Variants in COL26A1 observed in about 807,000 individuals in gnomAD.
COL26A1 encodes collagen alpha-1(XXVI) chain.
In COL26A1, 41 loss-of-function variants were observed where a neutral mutation model predicts 59.3. That is an observed-to-expected ratio of 0.69 (90% confidence interval 0.54 to 0.90). The LOEUF (loss-of-function observed/expected upper bound fraction) is 0.90, where lower values mean the gene tolerates loss of function less well. Ranked by LOEUF, COL26A1 falls within the 40% of genes least tolerant of loss-of-function variation. The pLI is 0.00. For missense variants in COL26A1, 612 were observed against 602.3 expected, an observed-to-expected ratio of 1.02 and a Z score of -0.17; for synonymous variants, 266 against 256.0, an observed-to-expected ratio of 1.04 and a Z score of -0.37.
At chr7:101,491,187 G>C (rs1794452638) in intron 3 of COL26A1, among the ~76,000 whole-genome samples, 2 of 152,196 alleles carry the variant, frequency 1.3e-5, no homozygotes, top group Non-Finnish European at 2.9e-5. Context: ...GGTCAGCTGT[G>C]TTTGAAGCCA....
chr7:101,492,885 G>A lies in COL26A1; in HGVS notation c.386-40197G>A, dbSNP rs537589103. ...CTCCAAAGTAGCTAGAGCTACAGGC[G>A]TGCACCACCACGCCCAGCTAATTTT... On this transcript the variant is annotated intron_variant, in intron 3 of 12. Coordinates refer to ENST00000313669, the MANE Select transcript of COL26A1 (RefSeq NM_001278563.3). Among the ~76,000 whole-genome samples the A allele has an allele frequency of 2.2e-4, 33 of 150,726 alleles. No homozygotes were observed. In the South Asian group the frequency reaches 3.9e-3, roughly 18 times the overall value.
At chr7:101,504,821 GTGTGTA>G in intron 3 of COL26A1, among the ~76,000 whole-genome samples, 1 of 152,304 alleles carries the variant, frequency 6.6e-6, no homozygotes, top group African/African-American at 2.4e-5. Context: ...GTGTGTGTGT[GTGTGTA>G]TGTGTGTGTG....
At chr7:101,428,567 G>T (rs1442216243) in intron 2 of COL26A1, among the ~76,000 whole-genome samples, 1 of 152,126 alleles carries the variant, frequency 6.6e-6, no homozygotes, top group Non-Finnish European at 1.5e-5. Context: ...GTTCAAGGTT[G>T]GACAGGCAGT....
intron 3 of COL26A1, among the ~76,000 whole-genome samples, chr7:101,502,123 G>A (rs987850219): frequency 1.1e-4 from 17 of 152,174 alleles, no homozygotes; most frequent in African/African-American, 3.9e-4. Flanking sequence ...GCTGGGGCAG[G>A]CAGATCACCT....
Position 101,384,238 on chromosome 7 carries a change from T to G in COL26A1, c.158+21048T>G, listed in dbSNP as rs540323052. 5.9e-3 allele frequency among the ~76,000 whole-genome samples: 828 copies of G among 141,166 alleles called. 11 individuals are homozygous for G. The highest frequency in any genetic ancestry group is 0.022 in the African/African-American group (797 of 36,394). 92.6% of individuals were successfully genotyped at this position (141,166 alleles called of 152,430 possible). On this transcript the variant is annotated intron_variant, in intron 1 of 12. Transcript: ENST00000313669. ...CTATATTGTTCAGGCTGGTTTTTTT[T>G]TTTTTTTTTTTTTTTTAAGACGGAG...
chr7:101,455,281 C>T (rs953400635), intron 3 of COL26A1, among the ~76,000 whole-genome samples: 4 of 151,726 alleles, frequency 2.6e-5, no homozygotes, highest in Non-Finnish European at 5.9e-5. Flanking sequence ...TGGGCTCAAG[C>T]AATCCACCTG....
At chr7:101,476,522 C>T (rs1287511286) in intron 3 of COL26A1, among the ~76,000 whole-genome samples, 2 of 150,726 alleles carry the variant, frequency 1.3e-5, no homozygotes, top group Non-Finnish European at 2.9e-5. Flanking sequence ...GGTTGGTTAA[C>T]ATCGGGTTAC....
At chr7:101,553,691 A>C (rs946150870) in intron 11 of COL26A1, among the ~76,000 whole-genome samples, 4 of 152,046 alleles carry the variant, frequency 2.6e-5, no homozygotes, top group Non-Finnish European at 4.4e-5. Flanking sequence ...TCCCTGGAGG[A>C]GGCGTCAGGC....
rs180787497 is a variant in COL26A1, at chr7:101,385,059, C to T, written c.158+21869C>T. 3.1e-3 allele frequency among the ~76,000 whole-genome samples: 472 copies of T among 151,412 alleles called. 1 individual carries two copies. Among genetic ancestry groups the T allele is most frequent in the Non-Finnish European group, 3.7e-3 (251 of 68,002 alleles). Reference sequence around the variant, plus strand: ...CTTCTCTGCCTGCTTTTTCTAGCCACGCTGGCAGCCGATTGAATGGTGCCC... The same window carrying T: ...CTTCTCTGCCTGCTTTTTCTAGCCATGCTGGCAGCCGATTGAATGGTGCCC... On this transcript the variant is annotated intron_variant, in intron 1 of 12. Coordinates refer to ENST00000313669, the MANE Select transcript of COL26A1 (RefSeq NM_001278563.3).
chr7:101,448,233 T>C (rs991632049), intron 3 of COL26A1, among the ~76,000 whole-genome samples: 2 of 152,238 alleles, frequency 1.3e-5, no homozygotes, highest in Admixed American at 6.5e-5. Flanking sequence ...TAGCTGCAGA[T>C]AGACGTTCAC....
chr7:101,533,011 T>C (rs1380363421), intron 3 of COL26A1, 71 bp from the exon 4 acceptor site: 2 of 1,176,982 alleles, frequency 1.7e-6, no homozygotes, highest in Admixed American at 4.0e-5. Flanking sequence ...CCAGAGGCTA[T>C]CCTGGTGACT....
rs573590505 is a variant in COL26A1 at position 101,507,069 on chromosome 7, C to T, written c.386-26013C>T. 2.6e-4 allele frequency among the ~76,000 whole-genome samples: 39 copies of T among 152,220 alleles called. 1 individual carries two copies. Among genetic ancestry groups the T allele is most frequent in the African/African-American group, 7.9e-4 (33 of 41,540 alleles). ...AGCTGGGACTACAGGTGTGTACCAC[C>T]ACGCCTGGCTAATTTTCGTATTTTT... On this transcript the variant is annotated intron_variant, in intron 3 of 12. Transcript: ENST00000313669.
intron 1 of COL26A1, among the ~76,000 whole-genome samples, chr7:101,380,058 C>A (rs375254251): frequency 2.5e-4 from 38 of 152,116 alleles, no homozygotes; most frequent in African/African-American, 8.9e-4. Context: ...GTGGTGCGAT[C>A]TCGGCTCACT....
chr7:101,454,007 T>A (rs1793406627), intron 3 of COL26A1, among the ~76,000 whole-genome samples: 1 of 152,158 alleles, frequency 6.6e-6, no homozygotes, highest in African/African-American at 2.4e-5. Flanking sequence ...TACATATGTC[T>A]ATACATGATC....
At chr7:101,532,007 G>T (rs923404048) in intron 3 of COL26A1, among the ~76,000 whole-genome samples, 7 of 152,116 alleles carry the variant, frequency 4.6e-5, no homozygotes, top group African/African-American at 9.7e-5. Context: ...CAGTGATGGG[G>T]ATGTGCAGGG....
At position 101,533,105 on chromosome 7, in the gene COL26A1, A is replaced by G; in HGVS notation, c.409A>G (p.Ser137Gly). The G allele has an allele frequency of 1.2e-6, 2 of 1,608,024 alleles. No homozygotes were observed. Among genetic ancestry groups the G allele is most frequent in the Non-Finnish European group, 1.7e-6 (2 of 1,178,058 alleles). The part of the protein sequence containing the change: ...DEECMNCTRL[S>G]DMSERLTTLE... Reference sequence around the variant, plus strand: ...AGAATGCATGAACTGCACCCGGCTCAGTGACATGAGTGAGCGACTGACCAC... The same window carrying G: ...AGAATGCATGAACTGCACCCGGCTCGGTGACATGAGTGAGCGACTGACCAC... Residue 137 changes from serine (S) to glycine (G), a missense_variant, in exon 4 of 13, where the codon AGT becomes GGT. Coordinates refer to ENST00000313669, the MANE Select transcript of COL26A1 (RefSeq NM_001278563.3).
intron 3 of COL26A1, among the ~76,000 whole-genome samples, chr7:101,454,055 A>G (rs1476652): frequency 0.35 from 53,411 of 151,848 alleles, 9,859 homozygotes; most frequent in Middle Eastern, 0.42. Flanking sequence ...TTGTGAATTC[A>G]CCTCCTTGAT....
intron 3 of COL26A1, among the ~76,000 whole-genome samples, chr7:101,462,765 T>A (rs6951064): frequency 6.6e-6 from 1 of 151,958 alleles, no homozygotes; most frequent in East Asian, 1.9e-4. Flanking sequence ...GCAGGACCCA[T>A]CATGAGAGTC....
rs762352580 is a variant in COL26A1 at position 101,555,871 on chromosome 7, G to A, written c.1165G>A (p.Asp389Asn). ...CCTGGAGCACATGATTGGGATCCAC[G>A]GTGAGCAGTGACCAGGATCAGCGGG... is the stretch of plus-strand genomic sequence containing the variant. ...LILEHMIGIHDPLASPEGGSG... is the reference protein window; with the variant it reads ...LILEHMIGIHNPLASPEGGSG... Residue 389 changes from aspartate (D) to asparagine (N), a missense_variant and splice_region_variant, in exon 12 of 13, where the codon GAT becomes AAT. Physicochemically the swap from Asp to Asn is conservative, Grantham distance 23 (BLOSUM62 1). Coordinates refer to ENST00000313669, the MANE Select transcript of COL26A1 (RefSeq NM_001278563.3). 33 of 1,605,266 alleles carry A rather than the reference G, an allele frequency of 2.1e-5. No individual in the cohort carries two copies. Among genetic ancestry groups the A allele is most frequent in the Non-Finnish European group, 2.5e-5 (29 of 1,176,136 alleles).
Sources: gnomAD v4.1 joint callset for allele counts (sites outside exome capture counted in the v4.1 genomes callset) on GRCh38, gnomAD v4.1.1 for gene constraint, MANE v1.5 for transcripts, NCBI Gene and HGNC (gene_info 2026-07-23, HGNC 2026-07-21) for gene names.